The following PARD3 variants were observed in gnomAD, a reference collection of about 807,000 sequenced individuals.
PARD3 encodes the protein par-3 family cell polarity regulator.
A neutral mutation model predicts 155.4 loss-of-function variants in PARD3; 75 were observed. The ratio of observed to expected loss-of-function variants is 0.48; its 90% CI spans 0.40 to 0.58. The LOEUF (loss-of-function observed/expected upper bound fraction) is 0.58. Among genes scored for constraint, PARD3 ranks in the 20% least tolerant of loss-of-function variants. The pLI is 0.00. For missense variants in PARD3, 1,642 were observed against 1,721.7 expected, an observed-to-expected ratio of 0.95 and a Z score of 0.82; for synonymous variants, 576 against 610.5, an observed-to-expected ratio of 0.94 and a Z score of 0.83.
chr10:34,309,450 G>A (rs1050759474), intron 20 of PARD3, among the ~76,000 whole-genome samples: 4 of 149,098 alleles, frequency 2.7e-5, no homozygotes, highest in African/African-American at 9.9e-5. Flanking sequence ...CCCAGCTACT[G>A]GGAAGGCTGA....
At chr10:34,115,841 T>C (rs934978167) in intron 24 of PARD3, among the ~76,000 whole-genome samples, 1 of 151,622 alleles carries the variant, frequency 6.6e-6, no homozygotes, top group African/African-American at 2.4e-5. Flanking sequence ...GCCTCCCGAG[T>C]AGCTGGGACT....
At chr10:34,449,215 C>A (rs2076923762) in intron 5 of PARD3, among the ~76,000 whole-genome samples, 1 of 152,140 alleles carries the variant, frequency 6.6e-6, no homozygotes, top group Non-Finnish European at 1.5e-5. Flanking sequence ...CCGCACCCGG[C>A]AGATAAATTA....
At chr10:34,797,382 C>T (rs1475411469) in intron 1 of PARD3, among the ~76,000 whole-genome samples, 1 of 152,132 alleles carries the variant, frequency 6.6e-6, no homozygotes, top group East Asian at 1.9e-4. Flanking sequence ...CAACTCCTGG[C>T]CTCAAGCAAT....
At chr10:34,790,952 T>C (rs1422694436) in intron 1 of PARD3, among the ~76,000 whole-genome samples, 1 of 152,196 alleles carries the variant, frequency 6.6e-6, no homozygotes, top group African/African-American at 2.4e-5. Context: ...GGGAAGCGCA[T>C]GCGTGGCACG....
At chr10:34,412,841 A>C (rs1845228466) in intron 5 of PARD3, among the ~76,000 whole-genome samples, 2 of 152,200 alleles carry the variant, frequency 1.3e-5, no homozygotes, top group Admixed American at 6.6e-5. Context: ...CCTTCAGAGA[A>C]AGAGACATTA....
chr10:34,280,676 A>G (rs1956114204), intron 21 of PARD3, among the ~76,000 whole-genome samples: 1 of 152,182 alleles, frequency 6.6e-6, no homozygotes, highest in Non-Finnish European at 1.5e-5. Flanking sequence ...TAGAGGAGTA[A>G]GCTGAACACC....
chr10:34,814,794 T>G (rs1844697097), intron 1 of PARD3, 82 bp downstream of exon 1: 1 of 1,213,720 alleles, frequency 8.2e-7, no homozygotes, highest in Admixed American at 2.4e-5. Context: ...GCGCCTCTCC[T>G]CCCCCTTCCA....
At chr10:34,751,951 T>C (rs549285611) in intron 1 of PARD3, among the ~76,000 whole-genome samples, 10 of 152,094 alleles carry the variant, frequency 6.6e-5, no homozygotes, top group Non-Finnish European at 1.5e-4. Flanking sequence ...AGCCTCTTTC[T>C]TTAGCCTCTC....
chr10:34,323,134 C>T (rs1958477218), intron 19 of PARD3, among the ~76,000 whole-genome samples: 1 of 152,120 alleles, frequency 6.6e-6, no homozygotes, highest in South Asian at 2.1e-4. Context: ...ATCAAGAACG[C>T]TGGGGACATA....
At chr10:34,264,154 T>C (rs1955175288) in intron 22 of PARD3, among the ~76,000 whole-genome samples, 1 of 152,170 alleles carries the variant, frequency 6.6e-6, no homozygotes, top group African/African-American at 2.4e-5. Context: ...TATTTTTCAT[T>C]TTTAGTACAG....
At chr10:34,547,265 A>T (rs1413729793) in intron 2 of PARD3, among the ~76,000 whole-genome samples, 1 of 152,262 alleles carries the variant, frequency 6.6e-6, no homozygotes, top group African/African-American at 2.4e-5. Context: ...TACTGTGCTT[A>T]GTTTCTTACA....
intron 2 of PARD3, among the ~76,000 whole-genome samples, chr10:34,565,519 G>A (rs1370882078): frequency 1.3e-5 from 2 of 151,848 alleles, no homozygotes; most frequent in Admixed American, 6.6e-5. Flanking sequence ...CGCCCGCCTC[G>A]GCCTCCCAAG....
intron 21 of PARD3, among the ~76,000 whole-genome samples, chr10:34,281,600 T>C (rs1298620638): frequency 2.0e-5 from 3 of 152,142 alleles, no homozygotes; most frequent in Non-Finnish European, 4.4e-5. Context: ...GGGAAGGAAG[T>C]TAGCAAGAAT....
At chr10:34,436,099 G>A (rs972770818) in intron 5 of PARD3, among the ~76,000 whole-genome samples, 8 of 152,166 alleles carry the variant, frequency 5.3e-5, no homozygotes, top group African/African-American at 1.4e-4. Flanking sequence ...GAATACACAA[G>A]TTATGCCAAA....
At chr10:34,268,233 C>T (rs529477173) in intron 22 of PARD3, among the ~76,000 whole-genome samples, 44 of 151,960 alleles carry the variant, frequency 2.9e-4, no homozygotes, top group African/African-American at 1.1e-3. Context: ...AATGAGATAC[C>T]ATCTCACACC....
intron 1 of PARD3, among the ~76,000 whole-genome samples, chr10:34,793,376 G>C (rs538284507): frequency 7.7e-4 from 117 of 152,202 alleles, no homozygotes; most frequent in Non-Finnish European, 1.2e-3. Context: ...GTAAAGAGAA[G>C]AGGGCAGGCT....
intron 22 of PARD3, among the ~76,000 whole-genome samples, chr10:34,145,208 TA>T (rs1948415829): frequency 4.4e-5 from 3 of 68,126 alleles, no homozygotes; most frequent in Admixed American, 1.4e-4. Flanking sequence ...TATATATATA[TA>T]TATATATATA....
intron 22 of PARD3, among the ~76,000 whole-genome samples, chr10:34,235,947 T>C (rs1953205191): frequency 6.6e-6 from 1 of 152,194 alleles, no homozygotes; most frequent in African/African-American, 2.4e-5. Context: ...TTAAAAGTAT[T>C]TGAATTAACA....
At position 34,416,617 on chromosome 10, in the gene PARD3, G is replaced by T. The variant is rs187533223; in HGVS notation, c.715-14700C>A. ...TCTAGTGTTTAGTTGTCCAGAATGCGCTGGATTACTAAGAGAACAACCTGA... is the reference window on the plus strand; with the variant it reads ...TCTAGTGTTTAGTTGTCCAGAATGCTCTGGATTACTAAGAGAACAACCTGA... On this transcript the variant is annotated intron_variant, in intron 5 of 24. Coordinates refer to ENST00000374788, the MANE Select transcript of PARD3 (RefSeq NM_001184785.2). Among the ~76,000 whole-genome samples, 428 of 152,226 alleles carry T rather than the reference G, an allele frequency of 2.8e-3. 3 individuals carry two copies. Among genetic ancestry groups the T allele is most frequent in the African/African-American group, 9.6e-3 (399 of 41,522 alleles).
Sources: gnomAD v4.1 joint callset for allele counts (sites outside exome capture counted in the v4.1 genomes callset) on GRCh38, gnomAD v4.1.1 for gene constraint, MANE v1.5 for transcripts, NCBI Gene and HGNC (gene_info 2026-07-23, HGNC 2026-07-21) for gene names.